HMGXB4: variants seen among roughly 807,000 people sequenced by gnomAD.
The protein encoded by HMGXB4 is HMG domain-containing protein 4.
HMGXB4 carries 27 observed loss-of-function variants against 63.9 expected under a neutral mutation model. The observed-to-expected ratio is 0.42, with a 90% CI of 0.31 to 0.58. The LOEUF (loss-of-function observed/expected upper bound fraction) is 0.58. Among genes scored for constraint, HMGXB4 ranks in the 20% least tolerant of loss-of-function variants. HMGXB4 has a pLI of 0.13. For synonymous variants in HMGXB4, 264 were observed against 265.3 expected (o/e 0.99, Z 0.05); for missense variants, 624 against 700.7 (o/e 0.89, Z 1.24).
intron 5 of HMGXB4, among the ~76,000 whole-genome samples, chr22:35,268,061 G>A (rs749556723): frequency 1.3e-5 from 2 of 152,200 alleles, no homozygotes; most frequent in African/African-American, 2.4e-5. Context: ...TCCAGCCTGC[G>A]CGACAGCGTG....
rs1925185873 is a variant in HMGXB4 at position 35,295,100 on chromosome 22, T to C, written c.*1449T>C. The C allele has an allele frequency of 6.9e-6, 1 of 144,526 alleles. No individual in the cohort carries two copies. Among genetic ancestry groups the C allele is most frequent in the Non-Finnish European group, 1.5e-5 (1 of 64,636 alleles). 9.0% of individuals were successfully genotyped at this position (144,526 alleles called of 1,614,324 possible). ...TTTTTAAATTTGGTATGAGATTCTC[T>C]GCCAACACCAAGCTCTGAGTTAACT... On this transcript the variant is annotated 3_prime_UTR_variant, in exon 11 of 11. Coordinates refer to ENST00000216106, the MANE Select transcript of HMGXB4 (RefSeq NM_001003681.3).
intron 5 of HMGXB4, among the ~76,000 whole-genome samples, chr22:35,278,030 CAGCCACTGA>C (rs886564411): frequency 2.6e-5 from 4 of 152,216 alleles, no homozygotes; most frequent in Non-Finnish European, 5.9e-5. Context: ...ACCTCCCTGG[CAGCCACTGA>C]CCTTTTTATT....
rs1317281554 is a variant in HMGXB4, at chr22:35,288,316, C to T, written c.1547C>T (p.Ala516Val). 6.2e-7 allele frequency: 1 copy of T among 1,612,764 alleles called. No individual in the cohort carries two copies. Among genetic ancestry groups the T allele is most frequent in the South Asian group, 1.1e-5 (1 of 90,874 alleles). ...CTGTTACCAGCCTCACCAGCCAAAG[C>T]CCCTGAGACAGAGCCCATTGATGTT... ...TMLLPASPAK[A>V]PETEPIDVAA... Residue 516 changes from alanine to valine, a missense_variant, in exon 9 of 11, where the codon GCC becomes GTC. Physicochemically the swap from Ala to Val is moderately conservative, Grantham distance 64. Around this residue, in one of 2 missense-constraint regions of HMGXB4, gnomAD observed 152 missense variants for 230.1 expected, o/e 0.66. Transcript: ENST00000216106.
In HMGXB4 at chr22:35,284,235, G is replaced by A. The variant is rs139366472; in HGVS notation, c.1297+192G>A. Among the ~76,000 whole-genome samples the A allele has an allele frequency of 3.1e-3, 471 of 152,254 alleles. 5 individuals carry two copies. Among genetic ancestry groups the A allele is most frequent in the African/African-American group, 0.011 (451 of 41,544 alleles). On this transcript the variant is annotated intron_variant, in intron 6 of 10. Coordinates refer to ENST00000216106, the MANE Select transcript of HMGXB4 (RefSeq NM_001003681.3). ...AACTTTCTATACATATCTCTTAAAC[G>A]GATAAGGTGGGAAACTATGTAAAAA...
rs1924715569 is a variant in HMGXB4, at chr22:35,288,282, A to G, written c.1513A>G (p.Thr505Ala). Residue 505 changes from threonine to alanine, a missense_variant, in exon 9 of 11, where the codon ACC becomes GCC. Physicochemically the swap from Thr to Ala is moderately conservative, Grantham distance 58 (BLOSUM62 0). Transcript: ENST00000216106. ...VLSPQKKSPP[T>A]TMLLPASPAK... is the part of the protein sequence containing the mutation. The stretch of plus-strand genomic sequence containing the variant: ...GTCACCCCAGAAGAAGTCCCCACCC[A>G]CCACCATGCTGTTACCAGCCTCACC... 3 of 1,605,658 alleles carry G rather than the reference A, an allele frequency of 1.9e-6. No individual in the cohort carries two copies. The highest frequency in any genetic ancestry group is 2.2e-5 in the South Asian group (2 of 89,998).
At chr22:35,287,669 C>A (rs1481150871) in intron 8 of HMGXB4, among the ~76,000 whole-genome samples, 1 of 151,642 alleles carries the variant, frequency 6.6e-6, no homozygotes, top group Non-Finnish European at 1.5e-5. Context: ...AGAGAGTAGA[C>A]CAGGCGCAGT....
At position 35,264,879 on chromosome 22, in the gene HMGXB4, G is replaced by A. The variant is rs552372890; in HGVS notation, c.491G>A (p.Gly164Asp). Reference protein sequence around the residue: ...GSSGELPLEDGGSHKSKKMKP... With the variant: ...GSSGELPLEDDGSHKSKKMKP... ...AGTGGGGAACTACCCCTAGAGGATG[G>A]TGGCTCCCACAAATCGAAAAAAATG... is the stretch of plus-strand genomic sequence containing the variant. The change falls in exon 5 of 11, where the codon GGT becomes GAT. Residue 164 changes from glycine to aspartate, a missense_variant. Gly to Asp is a moderately conservative substitution (Grantham distance 94). Around this residue, in one of 2 missense-constraint regions of HMGXB4, gnomAD observed 472 missense variants for 470.6 expected, o/e 1.00. Coordinates refer to ENST00000216106, the MANE Select transcript of HMGXB4 (RefSeq NM_001003681.3). The A allele has an allele frequency of 1.4e-5, 23 of 1,614,118 alleles. 1 individual carries two copies. The highest frequency in any genetic ancestry group is 1.9e-5 in the Non-Finnish European group (22 of 1,179,996).
intron 5 of HMGXB4, among the ~76,000 whole-genome samples, chr22:35,277,186 A>G (rs1601635417): frequency 6.6e-6 from 1 of 152,196 alleles, no homozygotes. Flanking sequence ...GCTCAAGCTC[A>G]TTCAAGTTGT....
intron 2 of HMGXB4, chr22:35,262,830 C>G (rs939523354): frequency 3.6e-6 from 2 of 548,344 alleles, no homozygotes; most frequent in Non-Finnish European, 6.4e-6. Context: ...GAAACCATAT[C>G]TGAGGTTGCA....
At chr22:35,252,496 C>T (rs1329070691), upstream of HMGXB4, among the ~76,000 whole-genome samples, 1 of 152,224 alleles carries the variant, frequency 6.6e-6, no homozygotes, top group Non-Finnish European at 1.5e-5. Context: ...GCTTGTTTCA[C>T]TTCGAATAAT....
At chr22:35,289,081 A>G (rs11089738) in intron 9 of HMGXB4, among the ~76,000 whole-genome samples, 77,629 of 151,380 alleles carry the variant, frequency 0.51, 22,703 homozygotes, top group Non-Finnish European at 0.65. Flanking sequence ...CAGAGGTTGC[A>G]GTGAGTCAAG....
At position 35,264,978 on chromosome 22, in the gene HMGXB4, C is replaced by T. The variant is rs749114237; in HGVS notation, c.590C>T (p.Ser197Leu). The T allele has an allele frequency of 6.2e-7, 1 of 1,614,102 alleles. No individual in the cohort carries two copies. Among genetic ancestry groups the T allele is most frequent in the Admixed American group, 1.7e-5 (1 of 60,010 alleles). ...PDGLKMKLIL[S>L]PKEKGSSSVD... ...GGTTTAAAAATGAAACTTATTCTGT[C>T]ACCAAAGGAGAAGGGAAGCAGCTCT... The change falls in exon 5 of 11, where the codon TCA becomes TTA. Residue 197 changes from serine to leucine, a missense_variant. By Grantham distance (145) the Ser-to-Leu change is moderately radical. Around this residue, in one of 2 missense-constraint regions of HMGXB4, gnomAD observed 472 missense variants for 470.6 expected, o/e 1.00. Transcript: ENST00000216106.
chr22:35,287,226 CCT>C, intron 7 of HMGXB4, 119 bp from the exon 8 acceptor site: 1 of 730,170 alleles, frequency 1.4e-6, no homozygotes, highest in East Asian at 2.7e-5. Flanking sequence ...TAGCATTAAC[CCT>C]CTGTCTGCCC....
chr22:35,267,795 C>G (rs1344563731), intron 5 of HMGXB4, among the ~76,000 whole-genome samples: 1 of 152,190 alleles, frequency 6.6e-6, no homozygotes, highest in African/African-American at 2.4e-5. Context: ...TTAATATTTT[C>G]TTTTTGCTTT....
At chr22:35,289,310 T>A (rs1265836801) in intron 9 of HMGXB4, among the ~76,000 whole-genome samples, 2 of 151,628 alleles carry the variant, frequency 1.3e-5, no homozygotes, top group Non-Finnish European at 2.9e-5. Context: ...AATTAAAAAA[T>A]TAGCCAGGCA....
the HMGXB4 span, among the ~76,000 whole-genome samples, chr22:35,250,710 C>T: frequency 1.3e-5 from 2 of 152,054 alleles, no homozygotes; most frequent in East Asian, 3.9e-4. Flanking sequence ...GGGGGAGATG[C>T]TTGGCTCACA....
At chr22:35,271,415 G>T (rs925013967) in intron 5 of HMGXB4, among the ~76,000 whole-genome samples, 1 of 152,178 alleles carries the variant, frequency 6.6e-6, no homozygotes, top group Non-Finnish European at 1.5e-5. Context: ...AATAGAGAAG[G>T]TGAGAAGAAT....
chr22:35,250,426 T>G, the HMGXB4 span, among the ~76,000 whole-genome samples: 1 of 152,086 alleles, frequency 6.6e-6, no homozygotes, highest in Non-Finnish European at 1.5e-5. Flanking sequence ...CAAGCAGATC[T>G]TACATGAACT....
At chr22:35,257,651 G>T (rs1452960212) in intron 1 of HMGXB4, 94 bp downstream of exon 1, 1 of 152,538 alleles carries the variant, frequency 6.6e-6, no homozygotes, top group Admixed American at 6.5e-5. Context: ...CCCTGGGCCC[G>T]CGACATCACC....
Sources: gnomAD v4.1 joint callset for allele counts (sites outside exome capture counted in the v4.1 genomes callset) on GRCh38, gnomAD v4.1.1 for gene constraint, gnomAD v4.1.1 regional missense constraint, MANE v1.5 for transcripts, NCBI Gene and HGNC (gene_info 2026-07-23, HGNC 2026-07-21) for gene names.